The following CCDC60 variants were observed in gnomAD, a reference collection of about 807,000 sequenced individuals.
CCDC60 encodes coiled-coil domain-containing protein 60.
Under a neutral mutation model 63.5 loss-of-function variants are expected in CCDC60, and 54 were observed. That is an observed-to-expected ratio of 0.85 (90% CI 0.68 to 1.07). CCDC60 has a LOEUF of 1.07. Ranked by LOEUF, CCDC60 falls within the 50% of genes least tolerant of loss-of-function variation. The pLI is 0.00. For missense variants in CCDC60, 651 were observed against 684.3 expected (o/e 0.95, Z 0.54); for synonymous variants, 206 against 238.8 (o/e 0.86, Z 1.27).
intron 1 of CCDC60, among the ~76,000 whole-genome samples, chr12:119,376,385 T>C (rs1327952659): frequency 2.6e-5 from 4 of 152,152 alleles, no homozygotes; most frequent in African/African-American, 9.7e-5. Context: ...CGCAGCACTT[T>C]GGGAAGCTGA....
At chr12:119,464,361 T>G (rs12298424) in intron 2 of CCDC60, among the ~76,000 whole-genome samples, 3 of 140,274 alleles carry the variant, frequency 2.1e-5, no homozygotes, top group Non-Finnish European at 4.6e-5. Flanking sequence ...CTTCCCTCCC[T>G]CCCATTTTCC....
intron 5 of CCDC60, among the ~76,000 whole-genome samples, chr12:119,495,392 A>G (rs779424745): frequency 4.6e-5 from 7 of 152,110 alleles, no homozygotes; most frequent in Non-Finnish European, 8.8e-5. Context: ...ATAAACTGCA[A>G]TTTTCTTTTA....
At chr12:119,508,080 G>A (rs1952103736) in intron 7 of CCDC60, among the ~76,000 whole-genome samples, 1 of 150,896 alleles carries the variant, frequency 6.6e-6, no homozygotes, top group African/African-American at 2.4e-5. Flanking sequence ...CTGAGGTCGG[G>A]GGATCACTTG....
intron 2 of CCDC60, among the ~76,000 whole-genome samples, chr12:119,449,430 A>G (rs778873508): frequency 1.3e-5 from 2 of 152,220 alleles, no homozygotes; most frequent in Non-Finnish European, 2.9e-5. Flanking sequence ...GCATCCATTT[A>G]TCTCTATCCT....
intron 4 of CCDC60, among the ~76,000 whole-genome samples, chr12:119,480,712 A>G (rs1255549889): frequency 6.7e-6 from 1 of 149,812 alleles, no homozygotes; most frequent in Non-Finnish European, 1.5e-5. Context: ...CATCATCCTC[A>G]CCACCACCAT....
At chr12:119,507,058 C>G (rs902708367) in intron 7 of CCDC60, among the ~76,000 whole-genome samples, 20 of 152,150 alleles carry the variant, frequency 1.3e-4, no homozygotes, top group African/African-American at 4.6e-4. Context: ...TGAGACAACA[C>G]TGGCGGCCAG....
At chr12:119,352,927 G>A (rs1046449039) in intron 1 of CCDC60, among the ~76,000 whole-genome samples, 7 of 151,718 alleles carry the variant, frequency 4.6e-5, no homozygotes, top group African/African-American at 7.3e-5. Flanking sequence ...GTAACAGAGT[G>A]AGACTCTGTC....
chr12:119,370,992 A>T (rs1020221272), intron 1 of CCDC60, among the ~76,000 whole-genome samples: 1 of 152,184 alleles, frequency 6.6e-6, no homozygotes, highest in African/African-American at 2.4e-5. Flanking sequence ...TGACCATAGC[A>T]CTGCACTCCA....
At chr12:119,519,976 G>T in intron 8 of CCDC60, 145 bp from the exon 9 acceptor site, 1 of 718,552 alleles carries the variant, frequency 1.4e-6, no homozygotes, top group South Asian at 2.0e-5. Context: ...TGTATTCATA[G>T]CAAACTCTCC....
At chr12:119,437,792 G>A (rs1950356310) in intron 2 of CCDC60, among the ~76,000 whole-genome samples, 1 of 152,192 alleles carries the variant, frequency 6.6e-6, no homozygotes, top group Admixed American at 6.5e-5. Flanking sequence ...CCCCAGGATT[G>A]TTTAAGATCA....
Position 119,379,207 on chromosome 12 carries a change from T to C in CCDC60, c.90+43941T>C, listed in dbSNP as rs139226749. ...AGATCATGAAACACATATGCCAACATAATAACCGTGTATAAAATCACCCCA... is the reference window on the plus strand; with the variant it reads ...AGATCATGAAACACATATGCCAACACAATAACCGTGTATAAAATCACCCCA... On this transcript the variant is annotated intron_variant, in intron 1 of 13. Coordinates refer to ENST00000327554, the MANE Select transcript of CCDC60 (RefSeq NM_178499.5). 3.4e-3 allele frequency among the ~76,000 whole-genome samples: 514 copies of C among 152,356 alleles called. 3 individuals carry two copies. Among genetic ancestry groups the C allele is most frequent in the Non-Finnish European group, 4.4e-3 (300 of 68,034 alleles).
At chr12:119,417,201 G>C (rs1431600583) in intron 1 of CCDC60, among the ~76,000 whole-genome samples, 2 of 151,802 alleles carry the variant, frequency 1.3e-5, no homozygotes, top group East Asian at 3.9e-4. Context: ...GGGTGATTCT[G>C]CTTCCCAGAG....
intron 7 of CCDC60, among the ~76,000 whole-genome samples, chr12:119,507,291 G>T (rs1031074851): frequency 6.6e-6 from 1 of 151,538 alleles, no homozygotes; most frequent in Non-Finnish European, 1.5e-5. Context: ...AATCCCCACC[G>T]CCCCTGCCTG....
intron 13 of CCDC60, among the ~76,000 whole-genome samples, chr12:119,537,740 G>A (rs571342466): frequency 9.9e-5 from 15 of 152,248 alleles, no homozygotes; most frequent in African/African-American, 2.4e-4. Context: ...TATCACCAGC[G>A]GAGGCTGTAG....
At chr12:119,467,459 A>T (rs990512101) in intron 2 of CCDC60, among the ~76,000 whole-genome samples, 2 of 152,206 alleles carry the variant, frequency 1.3e-5, no homozygotes, top group African/African-American at 4.8e-5. Context: ...GAATGCGATT[A>T]GTGCCCCTAT....
chr12:119,529,654 G>C (rs938221035), intron 12 of CCDC60, among the ~76,000 whole-genome samples: 2 of 152,222 alleles, frequency 1.3e-5, no homozygotes, highest in East Asian at 3.9e-4. Context: ...TCACATCCCA[G>C]AACATCACTT....
chr12:119,524,716 C>CTTTG (rs1952633734), intron 11 of CCDC60, among the ~76,000 whole-genome samples: 1 of 90,594 alleles, frequency 1.1e-5, no homozygotes, highest in Non-Finnish European at 2.1e-5. Context: ...CTTTTCTTTT[C>CTTTG]TTTTCTTTTT....
intron 5 of CCDC60, among the ~76,000 whole-genome samples, chr12:119,491,246 C>T (rs891150743): frequency 1.3e-5 from 2 of 152,208 alleles, no homozygotes; most frequent in Non-Finnish European, 2.9e-5. Context: ...TATTAACAGA[C>T]ACTGAGGTCA....
chr12:119,524,716 CTTTTCTTTTTTT>C (rs1952635058), intron 11 of CCDC60, among the ~76,000 whole-genome samples: 1 of 90,594 alleles, frequency 1.1e-5, no homozygotes, highest in African/African-American at 5.3e-5. Context: ...CTTTTCTTTT[CTTTTCTTTTTTT>C]TTTTTTTTTT....
Sources: allele counts gnomAD v4.1 joint callset (sites outside exome capture counted in the v4.1 genomes callset), GRCh38; gene constraint gnomAD v4.1.1; transcripts MANE v1.5; gene names NCBI Gene and HGNC (gene_info 2026-07-23, HGNC 2026-07-21).